Variants in GMPS observed in about 807,000 individuals in gnomAD.
GMPS encodes GMP synthase [glutamine-hydrolyzing].
In GMPS, 15 loss-of-function variants were observed where a neutral mutation model predicts 77.9. That is an observed-to-expected ratio of 0.19 (90% CI 0.13 to 0.30). The LOEUF (loss-of-function observed/expected upper bound fraction) is 0.30, where lower values mean the gene tolerates loss of function less well. GMPS is among the 10% of genes least tolerant of loss of function. The pLI is 1.00. For synonymous variants in GMPS, 224 were observed against 275.9 expected (o/e 0.81, Z 1.86); for missense variants, 590 against 838.8 (o/e 0.70, Z 3.66).
intron 1 of GMPS, among the ~76,000 whole-genome samples, chr3:155,878,329 T>C (rs1475678147): frequency 1.3e-5 from 2 of 152,242 alleles, no homozygotes; most frequent in African/African-American, 2.4e-5. Flanking sequence ...GTAGCATGTA[T>C]AAGTACTTTA....
chr3:155,916,621 A>G (rs1468444981), intron 9 of GMPS, among the ~76,000 whole-genome samples: 8 of 152,336 alleles, frequency 5.3e-5, no homozygotes, highest in Non-Finnish European at 7.4e-5. Flanking sequence ...ATTGCCAGAT[A>G]ATATTCCATC....
chr3:155,872,495 T>C (rs1753929808), intron 1 of GMPS, among the ~76,000 whole-genome samples: 1 of 152,236 alleles, frequency 6.6e-6, no homozygotes, highest in East Asian at 1.9e-4. Context: ...AAATAACTGG[T>C]GTTAGAAGGA....
In GMPS at chr3:155,916,017, A is replaced by T; in HGVS notation, c.1039-2A>T. ...AGGCTGTTTTACTCCTGTTGATTAT[A>T]GATTGCCAATGAAGTAATTGGAGAA... On this transcript the variant is annotated splice_acceptor_variant, in intron 8 of 15. Transcript: ENST00000496455. LOFTEE classifies it high-confidence loss of function. 1 of 1,609,726 alleles carries T rather than the reference A, an allele frequency of 6.2e-7. No homozygotes were observed. Among genetic ancestry groups the T allele is most frequent in the Non-Finnish European group, 8.5e-7 (1 of 1,177,114 alleles).
chr3:155,908,085 A>G (rs1754936840), intron 5 of GMPS, among the ~76,000 whole-genome samples: 1 of 152,236 alleles, frequency 6.6e-6, no homozygotes, highest in Non-Finnish European at 1.5e-5. Flanking sequence ...TTAAGCTGTG[A>G]TGAGGAGAAA....
At chr3:155,913,195 G>A (rs1044326927) in intron 7 of GMPS, among the ~76,000 whole-genome samples, 6 of 152,168 alleles carry the variant, frequency 3.9e-5, no homozygotes, top group Admixed American at 1.3e-4. Context: ...TAGTTGACCA[G>A]GTACAGGAAA....
chr3:155,934,955 T>G lies in GMPS; in HGVS notation c.1716T>G (p.Pro572=). 1.3e-6 allele frequency: 2 copies of G among 1,579,344 alleles called. No homozygotes were observed. The highest frequency in any genetic ancestry group is 1.7e-6 in the Non-Finnish European group (2 of 1,149,160). Residue 572 remains proline (P), a synonymous_variant, in exon 14 of 16, where the codon CCT becomes CCG. Transcript: ENST00000496455. ...YIFGPPVKEP[P]TDVTPTFLTT... ...TTGGCCCACCAGTTAAAGAACCTCC[T>G]ACAGATGTTACTCCCACTTTCTTGA... is the stretch of plus-strand genomic sequence containing the variant.
chr3:155,942,050 T>G lies in GMPS; in HGVS notation c.*4358T>G, dbSNP rs971316778. Reference sequence around the variant, plus strand: ...TACAATAACCAGATGTCCAATTAAATAAAATTAGAATCTGGAGGAGGTAGA... The same window carrying G: ...TACAATAACCAGATGTCCAATTAAAGAAAATTAGAATCTGGAGGAGGTAGA... On this transcript the variant is annotated 3_prime_UTR_variant, in exon 16 of 16. Transcript: ENST00000496455. The G allele has an allele frequency of 1.5e-5, 3 of 201,678 alleles. No individual in the cohort carries two copies. Among genetic ancestry groups the G allele is most frequent in the African/African-American group, 6.9e-5 (3 of 43,606 alleles). The allele number at this position is 201,678 out of a possible 1,614,324, so 12.5% of individuals were successfully genotyped here. A position where few individuals can be genotyped will look rare whatever the true frequency, so the allele number is the denominator to read the frequency against.
At chr3:155,908,266 G>T (rs1754943971) in intron 5 of GMPS, among the ~76,000 whole-genome samples, 1 of 152,228 alleles carries the variant, frequency 6.6e-6, no homozygotes, top group African/African-American at 2.4e-5. Flanking sequence ...AACAGGGTGG[G>T]GCCACAGGAA....
At chr3:155,899,122 C>T (rs1004641546) in intron 3 of GMPS, among the ~76,000 whole-genome samples, 3 of 152,066 alleles carry the variant, frequency 2.0e-5, no homozygotes, top group African/African-American at 4.8e-5. Flanking sequence ...GATCCCAGCA[C>T]TTTGGGAGGC....
chr3:155,904,890 A>G (rs1048149867), intron 4 of GMPS, among the ~76,000 whole-genome samples: 2 of 152,224 alleles, frequency 1.3e-5, no homozygotes, highest in African/African-American at 4.8e-5. Context: ...AACCTATACT[A>G]TTCCTAAACA....
intron 2 of GMPS, among the ~76,000 whole-genome samples, chr3:155,894,369 G>A (rs746301255): frequency 2.0e-5 from 3 of 151,922 alleles, no homozygotes; most frequent in African/African-American, 4.8e-5. Context: ...AAGTACAGGC[G>A]GATGCCACCA....
Position 155,899,017 on chromosome 3 carries a change from A to G in GMPS, c.324+976A>G, listed in dbSNP as rs576887031. On this transcript the variant is annotated intron_variant, in intron 3 of 15. Coordinates refer to ENST00000496455, the MANE Select transcript of GMPS (RefSeq NM_003875.3). Reference sequence around the variant, plus strand: ...AGGCCGAGGCGGGTGGATCACCTGAAGTCAGGAGTTCGAGACCAGCCTGAC... The same window carrying G: ...AGGCCGAGGCGGGTGGATCACCTGAGGTCAGGAGTTCGAGACCAGCCTGAC... Among the ~76,000 whole-genome samples the G allele has an allele frequency of 1.3e-3, 185 of 146,170 alleles. 1 individual carries two copies. The highest frequency in any genetic ancestry group is 4.5e-3 in the African/African-American group (178 of 39,512).
chr3:155,897,177 G>GT (rs995750008), intron 2 of GMPS, among the ~76,000 whole-genome samples: 1 of 152,098 alleles, frequency 6.6e-6, no homozygotes, highest in Non-Finnish European at 1.5e-5. Context: ...ATATTAAAAT[G>GT]TTTAAGTTTT....
intron 10 of GMPS, 96 bp downstream of exon 10, chr3:155,919,434 G>A (rs1224447714): frequency 1.5e-6 from 1 of 646,986 alleles, no homozygotes; most frequent in Non-Finnish European, 2.8e-6. Context: ...TGTCATCTCA[G>A]GGAATATGTA....
intron 7 of GMPS, 27 bp from the exon 8 acceptor site, chr3:155,914,392 T>C (rs748842110): frequency 6.7e-6 from 10 of 1,492,578 alleles, no homozygotes; most frequent in Non-Finnish European, 8.0e-6. Flanking sequence ...TTATACCAAT[T>C]TAAAACGCTT....
rs1437544544 is a variant in GMPS at position 155,938,506 on chromosome 3, C to T, written c.*814C>T. 2 of 209,120 alleles carry T rather than the reference C, an allele frequency of 9.6e-6. No individual in the cohort carries two copies. The highest frequency in any genetic ancestry group is 7.2e-5 in the East Asian group (1 of 13,918). 13.0% of individuals were successfully genotyped at this position (209,120 alleles called of 1,614,324 possible). A position where few individuals can be genotyped will look rare whatever the true frequency, so the allele number is the denominator to read the frequency against. On this transcript the variant is annotated 3_prime_UTR_variant, in exon 16 of 16. Transcript: ENST00000496455. ...TCCTTAGAAGAAACTGGCTCAATGA[C>T]GTTTCTGGTGTAGTGCAGATAGAGG...
At chr3:155,916,227 T>TA in intron 9 of GMPS, 35 bp downstream of exon 9, 1 of 1,382,744 alleles carries the variant, frequency 7.2e-7, no homozygotes, top group Non-Finnish European at 1.0e-6. Flanking sequence ...ATAAAGTAGA[T>TA]ACATGGAAAG....
intron 7 of GMPS, 84 bp downstream of exon 7, chr3:155,911,363 TAC>T: frequency 1.3e-6 from 1 of 783,412 alleles, no homozygotes; most frequent in Non-Finnish European, 1.9e-6. Context: ...TGAGCACAAT[TAC>T]AGTTTTCTCA....
Position 155,898,048 on chromosome 3 carries a change from C to A in GMPS, c.324+7C>A. ...AATTTGCTATGGTATGCAGGTATGTCAGCAAATTTGTTTTGAAAGCTTACT... is the reference window on the plus strand; with the variant it reads ...AATTTGCTATGGTATGCAGGTATGTAAGCAAATTTGTTTTGAAAGCTTACT... On this transcript the variant is annotated splice_region_variant and intron_variant, in intron 3 of 15. Transcript: ENST00000496455. 1 of 1,385,346 alleles carries A rather than the reference C, an allele frequency of 7.2e-7. No individual in the cohort carries two copies. Among genetic ancestry groups the A allele is most frequent in the South Asian group, 1.2e-5 (1 of 86,362 alleles). 85.8% of individuals were successfully genotyped at this position (1,385,346 alleles called of 1,614,324 possible).
Sources: allele counts gnomAD v4.1 joint callset (sites outside exome capture counted in the v4.1 genomes callset), GRCh38; gene constraint gnomAD v4.1.1; transcripts MANE v1.5; gene names NCBI Gene and HGNC (gene_info 2026-07-23, HGNC 2026-07-21).